The following TAGAP variants were observed in gnomAD, a reference collection of about 807,000 sequenced individuals.
TAGAP encodes the protein T cell activation RhoGTPase activating protein.
Under a neutral mutation model 36.0 loss-of-function variants are expected in TAGAP, and 16 were observed. That is an observed-to-expected ratio of 0.44 (90% CI 0.30 to 0.68). The LOEUF (loss-of-function observed/expected upper bound fraction) is 0.68. Among genes scored for constraint, TAGAP ranks in the 30% least tolerant of loss-of-function variants. The pLI, the probability that TAGAP is intolerant of heterozygous loss-of-function variation, is 0.09. For missense variants in TAGAP, 794 were observed against 921.5 expected, an observed-to-expected ratio of 0.86 and a Z score of 1.79; for synonymous variants, 372 against 377.4, an observed-to-expected ratio of 0.99 and a Z score of 0.17.
rs1042237916 is a variant in TAGAP, at chr6:159,035,201, G to C, written c.*626C>G. 2.6e-5 allele frequency: 4 copies of C among 152,274 alleles called. No individual in the cohort carries two copies. Among genetic ancestry groups the C allele is most frequent in the African/African-American group, 7.2e-5 (3 of 41,436 alleles). 9.4% of individuals were successfully genotyped at this position (152,274 alleles called of 1,614,324 possible). Reference sequence around the variant, plus strand: ...CCACATTTAATTGGATGATTGAAAGGACACGTTGAAGTGTTTTTCATGATT... The same window carrying C: ...CCACATTTAATTGGATGATTGAAAGCACACGTTGAAGTGTTTTTCATGATT... On this transcript the variant is annotated 3_prime_UTR_variant, in exon 10 of 10. Transcript: ENST00000367066.
At chr6:159,042,419 A>G in intron 4 of TAGAP, 175 bp from the exon 5 acceptor site, 1 of 1,383,538 alleles carries the variant, frequency 7.2e-7, no homozygotes, top group East Asian at 2.6e-5. Flanking sequence ...ATCTAGAAAA[A>G]CCAACCGATA....
Position 159,035,645 on chromosome 6 carries a change from C to T in TAGAP, c.*182G>A. The T allele has an allele frequency of 1.0e-5, 6 of 576,552 alleles. No individual in the cohort carries two copies. The highest frequency in any genetic ancestry group is 1.8e-5 in the Non-Finnish European group (6 of 331,614). 35.7% of individuals were successfully genotyped at this position (576,552 alleles called of 1,614,324 possible). On this transcript the variant is annotated 3_prime_UTR_variant, in exon 10 of 10. Transcript: ENST00000367066. ...TACATTTTTACATATTGCACAAATC[C>T]AGGTACACAGAGACTATCTGATGCG...
Position 159,036,152 on chromosome 6 carries a change from C to T in TAGAP, c.1871G>A (p.Arg624Lys), listed in dbSNP as rs1318300930. The T allele has an allele frequency of 4.3e-6, 7 of 1,613,010 alleles. No homozygotes were observed. Among genetic ancestry groups the T allele is most frequent in the Non-Finnish European group, 5.1e-6 (6 of 1,179,652 alleles). The change falls in exon 10 of 10, where the codon AGG (arginine) becomes AAG (lysine). Residue 624 changes from arginine to lysine, a missense_variant. Coordinates refer to ENST00000367066, the MANE Select transcript of TAGAP (RefSeq NM_054114.5). This position sits in a 1 kb window ranked among gnomAD's most constrained non-coding sequence, Gnocchi z 4.9. ...GCAGTGCGCCTCCAGCATCCTCGCC[C>T]TCATGCTCCCCACCGTCATGCTCCC... ...TVGSMTVGSM[R>K]ARMLEAHCLL...
intron 4 of TAGAP, chr6:159,042,887 A>G (rs2114800315): frequency 6.6e-6 from 1 of 152,668 alleles, no homozygotes; most frequent in South Asian, 2.1e-4. Context: ...TAGATCTGGC[A>G]ACTGGGAATT....
Position 159,035,922 on chromosome 6 carries a change from C to T in TAGAP, c.2101G>A (p.Val701Met), listed in dbSNP as rs758007058. 5.0e-6 allele frequency: 8 copies of T among 1,614,072 alleles called. No individual in the cohort carries two copies. In the Admixed American group the frequency reaches 8.3e-5, roughly 17 times the overall value. Reference protein sequence around the residue: ...LLPLRTVSESVQRNKRDCLVR... With the variant: ...LLPLRTVSESMQRNKRDCLVR... ...AGACAGTCCCGCTTATTCCTCTGCA[C>T]GGACTCGGAGACGGTCCTCAGCGGG... Residue 701 changes from valine (V) to methionine (M), a missense_variant, in exon 10 of 10, where the codon GTG becomes ATG. Val to Met is a conservative substitution (Grantham distance 21). Transcript: ENST00000367066.
In TAGAP at chr6:159,039,202, T is replaced by C. The variant is rs1779661504; in HGVS notation, c.695A>G (p.Asn232Ser). The stretch of plus-strand genomic sequence containing the variant: ...GTTGGGTCCAATGCAGATGGCCAGA[T>C]TGCTGGAGTCCATCCTGTTCACCTC... ...NSEVNRMDSS[N>S]LAICIGPNML... Residue 232 changes from asparagine (N) to serine (S), a missense_variant, in exon 8 of 10, where the codon AAT (asparagine) becomes AGT (serine). Transcript: ENST00000367066. The C allele has an allele frequency of 6.2e-7, 1 of 1,614,036 alleles. No individual in the cohort carries two copies. The highest frequency in any genetic ancestry group is 8.5e-7 in the Non-Finnish European group (1 of 1,180,038).
chr6:159,044,649 A>T (rs1311983069), intron 1 of TAGAP, among the ~76,000 whole-genome samples: 1 of 152,030 alleles, frequency 6.6e-6, no homozygotes, highest in Non-Finnish European at 1.5e-5. Flanking sequence ...AAAAAAAAAA[A>T]CATATCCCTA....
At position 159,035,621 on chromosome 6, in the gene TAGAP, A is replaced by G. The variant is rs1409261805; in HGVS notation, c.*206T>C. The G allele has an allele frequency of 1.9e-6, 1 of 526,878 alleles. No homozygotes were observed. The highest frequency in any genetic ancestry group is 3.3e-5 in the Admixed American group (1 of 30,712). The allele number at this position is 526,878 out of a possible 1,614,324, so 32.6% of individuals were successfully genotyped here. A position where few individuals can be genotyped will look rare whatever the true frequency, so the allele number is the denominator to read the frequency against. On this transcript the variant is annotated 3_prime_UTR_variant, in exon 10 of 10. Coordinates refer to ENST00000367066, the MANE Select transcript of TAGAP (RefSeq NM_054114.5). Reference sequence around the variant, plus strand: ...ACACCTTATCTATAATACATTTGATACATTTTTACATATTGCACAAATCCA... The same window carrying G: ...ACACCTTATCTATAATACATTTGATGCATTTTTACATATTGCACAAATCCA...
Position 159,036,923 on chromosome 6 carries a change from C to A in TAGAP, c.1100G>T (p.Ser367Ile), listed in dbSNP as rs776525307. ...TCTCCTATCGGGCTGTGCGAGGGAG[C>A]TTTTCAGCCTGGCCACGGTGCTCAC... ...PIVSTVARLK[S>I]SLAQPDRRYS... Residue 367 changes from serine to isoleucine, a missense_variant, in exon 10 of 10, where the codon AGC (serine) becomes ATC (isoleucine). By Grantham distance (142) the Ser-to-Ile change is moderately radical. Transcript: ENST00000367066. The surrounding 1 kb of genome is among the most constrained non-coding windows in gnomAD (Gnocchi z 4.9). 18 of 1,613,688 alleles carry A rather than the reference C, an allele frequency of 1.1e-5. No individual in the cohort carries two copies. In the South Asian group the frequency reaches 2.0e-4, roughly 18 times the overall value.
At position 159,041,566 on chromosome 6, in the gene TAGAP, A is replaced by G. The variant is rs1249901543; in HGVS notation, c.316-51T>C. 1 of 1,563,734 alleles carries G rather than the reference A, an allele frequency of 6.4e-7. No individual in the cohort carries two copies. The highest frequency in any genetic ancestry group is 1.2e-5 in the South Asian group (1 of 85,602). On this transcript the variant is annotated intron_variant, in intron 5 of 9. Transcript: ENST00000367066. The surrounding 1 kb of genome is among the most constrained non-coding windows in gnomAD (Gnocchi z 4.1). ...GAAAGGGTTACCCTTCTTCTTTAGT[A>G]TACTGAGATAGTCTTAACAGGAATA...
chr6:159,038,076 T>C (rs1016064537), intron 9 of TAGAP, 38 bp downstream of exon 9: 2 of 1,391,186 alleles, frequency 1.4e-6, no homozygotes, highest in African/African-American at 1.4e-5. Flanking sequence ...CATGAACTTT[T>C]CCCTACAATC....
Position 159,035,726 on chromosome 6 carries a change from G to A in TAGAP, c.*101C>T. On this transcript the variant is annotated 3_prime_UTR_variant, in exon 10 of 10. Transcript: ENST00000367066. Reference sequence around the variant, plus strand: ...GGAGGGCTTTCCACAACTTTCTCAAGGAGCTTATTCAAGACCTTTTAAAAA... The same window carrying A: ...GGAGGGCTTTCCACAACTTTCTCAAAGAGCTTATTCAAGACCTTTTAAAAA... 1 of 1,251,776 alleles carries A rather than the reference G, an allele frequency of 8.0e-7. No individual in the cohort carries two copies. Among genetic ancestry groups the A allele is most frequent in the Non-Finnish European group, 1.1e-6 (1 of 924,464 alleles). The allele number at this position is 1,251,776 out of a possible 1,614,324, so 77.5% of individuals were successfully genotyped here. A position where few individuals can be genotyped will look rare whatever the true frequency, so the allele number is the denominator to read the frequency against.
intron 6 of TAGAP, 24 bp from the exon 7 acceptor site, chr6:159,040,856 G>A: frequency 6.3e-7 from 1 of 1,577,786 alleles, no homozygotes. Context: ...GTGGGCTGTT[G>A]GCCTATTGGT....
Position 159,035,801 on chromosome 6 carries a change from C to A in TAGAP, c.*26G>T. Reference sequence around the variant, plus strand: ...GTCTCATATTTACAGATAGCACAAGCTATGGCATGGCGTATGGCCTCCCTC... The same window carrying A: ...GTCTCATATTTACAGATAGCACAAGATATGGCATGGCGTATGGCCTCCCTC... On this transcript the variant is annotated 3_prime_UTR_variant, in exon 10 of 10. Coordinates refer to ENST00000367066, the MANE Select transcript of TAGAP (RefSeq NM_054114.5). 6.4e-7 allele frequency: 1 copy of A among 1,563,720 alleles called. No homozygotes were observed. The highest frequency in any genetic ancestry group is 8.7e-7 in the Non-Finnish European group (1 of 1,146,838).
chr6:159,035,667 T>C lies in TAGAP; in HGVS notation c.*160A>G. 1.6e-6 allele frequency: 1 copy of C among 634,744 alleles called. No homozygotes were observed. Among genetic ancestry groups the C allele is most frequent in the Non-Finnish European group, 2.7e-6 (1 of 375,960 alleles). The allele number at this position is 634,744 out of a possible 1,614,324, so 39.3% of individuals were successfully genotyped here. A position where few individuals can be genotyped will look rare whatever the true frequency, so the allele number is the denominator to read the frequency against. Reference sequence around the variant, plus strand: ...ATCCAGGTACACAGAGACTATCTGATGCGCCATGGCCATGGTGTAGCTATC... The same window carrying C: ...ATCCAGGTACACAGAGACTATCTGACGCGCCATGGCCATGGTGTAGCTATC... On this transcript the variant is annotated 3_prime_UTR_variant, in exon 10 of 10. Coordinates refer to ENST00000367066, the MANE Select transcript of TAGAP (RefSeq NM_054114.5).
At position 159,041,995 on chromosome 6, in the gene TAGAP, A is replaced by G; in HGVS notation, c.315+83T>C. The G allele has an allele frequency of 8.2e-6, 12 of 1,459,820 alleles. No individual in the cohort carries two copies. The highest frequency in any genetic ancestry group is 1.0e-5 in the Non-Finnish European group (11 of 1,068,048). 90.4% of individuals were successfully genotyped at this position (1,459,820 alleles called of 1,614,324 possible). ...GAAGATCAGTCCCTACAAACTTAAT[A>G]GGAGAATGACATTCAGATTTCCCGA... On this transcript the variant is annotated intron_variant, in intron 5 of 9. Coordinates refer to ENST00000367066, the MANE Select transcript of TAGAP (RefSeq NM_054114.5). This position sits in a 1 kb window ranked among gnomAD's most constrained non-coding sequence, Gnocchi z 4.1.
intron 3 of TAGAP, 35 bp downstream of exon 3, chr6:159,043,943 G>A (rs1177022703): frequency 1.3e-5 from 20 of 1,583,106 alleles, no homozygotes; most frequent in Non-Finnish European, 1.7e-5. Flanking sequence ...CCTTCTCACA[G>A]TACAGATAAA....
rs549210331 is a variant in TAGAP at position 159,040,498 on chromosome 6, C to T, written c.587+225G>A. Among the ~76,000 whole-genome samples, 5 of 152,310 alleles carry T rather than the reference C, an allele frequency of 3.3e-5. No homozygotes were observed. In the South Asian group the frequency reaches 1.0e-3, roughly 32 times the overall value. ...TGGGATTTGTGAGGATTGAAGTTCGCTTTCTACTTTTTGAAGAAATATTTC... is the reference window on the plus strand; with the variant it reads ...TGGGATTTGTGAGGATTGAAGTTCGTTTTCTACTTTTTGAAGAAATATTTC... On this transcript the variant is annotated intron_variant, in intron 7 of 9. Coordinates refer to ENST00000367066, the MANE Select transcript of TAGAP (RefSeq NM_054114.5).
chr6:159,036,757 A>G lies in TAGAP; in HGVS notation c.1266T>C (p.Phe422=), dbSNP rs754078140. 18 of 1,614,182 alleles carry G rather than the reference A, an allele frequency of 1.1e-5. 1 individual carries two copies. The South Asian group carries it at 1.5e-4, about 14-fold the overall frequency. ...RLESEEAEDP[F]PEEVFPAVQG... Reference sequence around the variant, plus strand: ...GCACTGCAGGGAAGACCTCCTCTGGAAATGGGTCTTCAGCCTCCTCACTTT... The same window carrying G: ...GCACTGCAGGGAAGACCTCCTCTGGGAATGGGTCTTCAGCCTCCTCACTTT... The change falls in exon 10 of 10, where the codon TTT becomes TTC. Residue 422 remains phenylalanine, a synonymous_variant. Coordinates refer to ENST00000367066, the MANE Select transcript of TAGAP (RefSeq NM_054114.5). The surrounding 1 kb of genome is among the most constrained non-coding windows in gnomAD (Gnocchi z 4.9).
Sources: gnomAD v4.1 joint callset for allele counts (sites outside exome capture counted in the v4.1 genomes callset) on GRCh38, gnomAD v4.1.1 for gene constraint, Gnocchi (gnomAD v3.1) non-coding constraint, MANE v1.5 for transcripts, NCBI Gene and HGNC (gene_info 2026-07-23, HGNC 2026-07-21) for gene names.